The following USP15 variants were observed in gnomAD, a reference collection of about 807,000 sequenced individuals.
USP15 encodes ubiquitin carboxyl-terminal hydrolase 15.
A neutral mutation model predicts 127.1 loss-of-function variants in USP15; 18 were observed. The observed-to-expected ratio is 0.14, with a 90% CI of 0.10 to 0.21. The LOEUF is 0.21. Among genes scored for constraint, USP15 ranks in the 10% least tolerant of loss-of-function variants. The pLI is 1.00. For missense variants in USP15, 805 were observed against 1,159.9 expected (o/e 0.69, Z 4.44); for synonymous variants, 364 against 393.7 (o/e 0.92, Z 0.89).
At chr12:62,400,715 G>A (rs746608638) in intron 20 of USP15, among the ~76,000 whole-genome samples, 16 of 151,748 alleles carry the variant, frequency 1.1e-4, no homozygotes, top group Admixed American at 2.0e-4. Flanking sequence ...TATGAAGTCA[G>A]AAACAGATCT....
intron 8 of USP15, among the ~76,000 whole-genome samples, chr12:62,358,106 C>T (rs1425655516): frequency 6.6e-6 from 1 of 151,516 alleles, no homozygotes; most frequent in Non-Finnish European, 1.5e-5. Context: ...TCAGTGTCCT[C>T]CAAATTTAAG....
chr12:62,297,663 G>T (rs1393013467), intron 2 of USP15, among the ~76,000 whole-genome samples: 1 of 152,188 alleles, frequency 6.6e-6, no homozygotes, highest in South Asian at 2.1e-4. Context: ...AGAATCTCTA[G>T]CCAGGCTTTT....
intron 8 of USP15, among the ~76,000 whole-genome samples, chr12:62,373,815 G>A (rs915496966): frequency 6.6e-6 from 1 of 151,826 alleles, no homozygotes; most frequent in East Asian, 1.9e-4. Context: ...AATTTAATGA[G>A]ATTTCCCTTT....
At chr12:62,387,681 T>C (rs1339461417) in intron 11 of USP15, among the ~76,000 whole-genome samples, 1 of 151,916 alleles carries the variant, frequency 6.6e-6, no homozygotes. Context: ...GGTTGAGAAG[T>C]AAATGGGAGA....
At chr12:62,296,913 A>G (rs1457215961) in intron 2 of USP15, among the ~76,000 whole-genome samples, 1 of 152,184 alleles carries the variant, frequency 6.6e-6, no homozygotes, top group East Asian at 1.9e-4. Context: ...TTTCTAAAAA[A>G]AAATTTTGAT....
At chr12:62,285,715 T>C (rs1403984088) in intron 1 of USP15, among the ~76,000 whole-genome samples, 2 of 152,236 alleles carry the variant, frequency 1.3e-5, no homozygotes, top group African/African-American at 2.4e-5. Context: ...TTTCCATATC[T>C]TCACTATTGT....
chr12:62,392,245 C>G, intron 17 of USP15, 27 bp from the exon 18 acceptor site: 1 of 1,473,432 alleles, frequency 6.8e-7, no homozygotes, highest in Non-Finnish European at 9.3e-7. Flanking sequence ...CATTTGTTCT[C>G]TTAACTCAAG....
chr12:62,334,703 T>A (rs1028662304), intron 6 of USP15, among the ~76,000 whole-genome samples: 1 of 152,188 alleles, frequency 6.6e-6, no homozygotes, highest in African/African-American at 2.4e-5. Context: ...TTAGGTTGTA[T>A]GAAGTTACGT....
At chr12:62,361,704 C>G (rs1376927275) in intron 8 of USP15, among the ~76,000 whole-genome samples, 1 of 151,818 alleles carries the variant, frequency 6.6e-6, no homozygotes, top group Non-Finnish European at 1.5e-5. Context: ...GATTTGCTCC[C>G]TCCCTCCAAG....
intron 11 of USP15, among the ~76,000 whole-genome samples, chr12:62,387,402 C>T (rs756446225): frequency 6.6e-6 from 1 of 152,148 alleles, no homozygotes; most frequent in Non-Finnish European, 1.5e-5. Context: ...ACTGTTGCCT[C>T]TTCCAAGGAG....
intron 1 of USP15, among the ~76,000 whole-genome samples, chr12:62,266,327 C>G (rs2063191290): frequency 6.6e-6 from 1 of 152,096 alleles, no homozygotes; most frequent in Admixed American, 6.5e-5. Context: ...CTATAAGCCA[C>G]AAATACATAC....
Position 62,411,081 on chromosome 12 carries a change from ATG to A in USP15, c.*6708_*6709del, listed in dbSNP as rs988042323. The A allele has an allele frequency of 3.3e-5, 5 of 152,290 alleles. No individual in the cohort carries two copies. Among genetic ancestry groups the A allele is most frequent in the African/African-American group, 7.2e-5 (3 of 41,564 alleles). The allele number at this position is 152,290 out of a possible 1,614,324, so 9.4% of individuals were successfully genotyped here. Reference sequence around the variant, plus strand: ...ACCCACAAAAACTGTGAGATAACAGATGTTTGTGTTTTTAGCTGCTAAGCTTT... The same window carrying A: ...ACCCACAAAAACTGTGAGATAACAGATTTGTGTTTTTAGCTGCTAAGCTTT... On this transcript the variant is annotated 3_prime_UTR_variant, in exon 22 of 22. Transcript: ENST00000280377.
chr12:62,321,333 A>T, intron 4 of USP15, 131 bp from the exon 5 acceptor site: 1 of 556,502 alleles, frequency 1.8e-6, no homozygotes, highest in Non-Finnish European at 2.8e-6. Flanking sequence ...TGTGTTTTAT[A>T]GATTTATTAC....
Position 62,407,347 on chromosome 12 carries a change from T to C in USP15, c.*2972T>C, listed in dbSNP as rs1171389834. ...ATATATACTACCTCTCACTGTGTTATAGTGTCTGCCTCATAGGATTGTTGA... is the reference window on the plus strand; with the variant it reads ...ATATATACTACCTCTCACTGTGTTACAGTGTCTGCCTCATAGGATTGTTGA... On this transcript the variant is annotated 3_prime_UTR_variant, in exon 22 of 22. Coordinates refer to ENST00000280377, the MANE Select transcript of USP15 (RefSeq NM_001252078.2). 1 of 152,206 alleles carries C rather than the reference T, an allele frequency of 6.6e-6. No individual in the cohort carries two copies. Among genetic ancestry groups the C allele is most frequent in the African/African-American group, 2.4e-5 (1 of 41,458 alleles). 9.4% of individuals were successfully genotyped at this position (152,206 alleles called of 1,614,324 possible).
At position 62,409,308 on chromosome 12, in the gene USP15, A is replaced by G. The variant is rs1206255049; in HGVS notation, c.*4933A>G. 1 of 152,256 alleles carries G rather than the reference A, an allele frequency of 6.6e-6. No homozygotes were observed. The highest frequency in any genetic ancestry group is 1.5e-5 in the Non-Finnish European group (1 of 68,008). The allele number at this position is 152,256 out of a possible 1,614,324, so 9.4% of individuals were successfully genotyped here. A position where few individuals can be genotyped will look rare whatever the true frequency, so the allele number is the denominator to read the frequency against. On this transcript the variant is annotated 3_prime_UTR_variant, in exon 22 of 22. Transcript: ENST00000280377. ...GGAAAATCAGGAATTTACGTAATAT[A>G]TTGGACTACAGTCTCAAAGGACAGA...
intron 2 of USP15, among the ~76,000 whole-genome samples, chr12:62,302,208 A>T (rs2137193106): frequency 6.6e-6 from 1 of 152,268 alleles, no homozygotes; most frequent in South Asian, 2.1e-4. Flanking sequence ...TCTTGGTGTC[A>T]TTGTAAAAGG....
chr12:62,319,706 G>C (rs1036575501), intron 4 of USP15, among the ~76,000 whole-genome samples: 1 of 152,094 alleles, frequency 6.6e-6, no homozygotes, highest in Non-Finnish European at 1.5e-5. Context: ...ACTCAATGAA[G>C]AGGAAATTTC....
At chr12:62,330,405 A>G (rs1405865385) in intron 6 of USP15, among the ~76,000 whole-genome samples, 1 of 151,786 alleles carries the variant, frequency 6.6e-6, no homozygotes, top group East Asian at 1.9e-4. Flanking sequence ...CCTGATCAAC[A>G]TGGTGAAACC....
At chr12:62,284,237 T>G (rs80173588) in intron 1 of USP15, among the ~76,000 whole-genome samples, 6,203 of 152,310 alleles carry the variant, frequency 0.041, 169 homozygotes, top group African/African-American at 0.057. Flanking sequence ...TAGACTTTTT[T>G]GTGGAACTTT....
Sources: allele counts gnomAD v4.1 joint callset (sites outside exome capture counted in the v4.1 genomes callset), GRCh38; gene constraint gnomAD v4.1.1; transcripts MANE v1.5; gene names NCBI Gene and HGNC (gene_info 2026-07-23, HGNC 2026-07-21).